Variants in CDH12 observed in about 807,000 individuals in gnomAD.
CDH12 encodes the protein cadherin 12.
Under a neutral mutation model 74.1 loss-of-function variants are expected in CDH12, and 41 were observed. The observed-to-expected ratio is 0.55, with a 90% CI of 0.43 to 0.72. The LOEUF is 0.72. CDH12 is among the 30% of genes least tolerant of loss of function. CDH12 has a pLI of 0.00. For synonymous variants in CDH12, 399 were observed against 355.0 expected, an observed-to-expected ratio of 1.12 and a Z score of -1.39; for missense variants, 945 against 977.2, an observed-to-expected ratio of 0.97 and a Z score of 0.44.
intron 1 of CDH12, among the ~76,000 whole-genome samples, chr5:22,609,799 T>C (rs555065137): frequency 6.6e-6 from 1 of 152,362 alleles, no homozygotes; most frequent in South Asian, 2.1e-4. Context: ...CTCAATGCTG[T>C]CTGTTTGTAT....
intron 1 of CDH12, among the ~76,000 whole-genome samples, chr5:22,739,217 A>C (rs769385225): frequency 1.3e-5 from 2 of 152,024 alleles, no homozygotes; most frequent in Non-Finnish European, 2.9e-5. Flanking sequence ...TCAATGTGTA[A>C]AAAGGAAAGA....
At chr5:22,424,002 C>CAAAAAAAAAAAAAAAAAAAAA (rs1165781089) in intron 2 of CDH12, among the ~76,000 whole-genome samples, 8 of 31,222 alleles carry the variant, frequency 2.6e-4, no homozygotes, top group Admixed American at 4.8e-4. Context: ...GACTCTGTCT[C>CAAAAAAAAAAAAAAAAAAAAA]AAAAAAAAAA....
chr5:22,252,797 C>A (rs1021309721), intron 3 of CDH12, among the ~76,000 whole-genome samples: 1 of 151,930 alleles, frequency 6.6e-6, no homozygotes, highest in African/African-American at 2.4e-5. Flanking sequence ...ATCTATGAAG[C>A]CTTAGCTTAA....
intron 6 of CDH12, among the ~76,000 whole-genome samples, chr5:21,896,723 A>C (rs1055296583): frequency 6.6e-6 from 1 of 152,172 alleles, no homozygotes; most frequent in African/African-American, 2.4e-5. Context: ...TTTTTTATCT[A>C]ATGCTTGATA....
At chr5:22,586,161 TA>T (rs1157378271) in intron 1 of CDH12, among the ~76,000 whole-genome samples, 19 of 152,112 alleles carry the variant, frequency 1.2e-4, no homozygotes, top group Admixed American at 1.2e-3. Flanking sequence ...TATGCAGCCA[TA>T]AAAAATGATG....
chr5:21,954,646 T>A (rs1008789553), intron 6 of CDH12, among the ~76,000 whole-genome samples: 1 of 152,110 alleles, frequency 6.6e-6, no homozygotes, highest in African/African-American at 2.4e-5. Context: ...TCTGCCTACT[T>A]AATTTTTTGT....
intron 3 of CDH12, among the ~76,000 whole-genome samples, chr5:22,220,554 G>A (rs1204174768): frequency 6.6e-6 from 1 of 151,170 alleles, no homozygotes; most frequent in Non-Finnish European, 1.5e-5. Flanking sequence ...TTTGGTGGTT[G>A]AGTGGTCATT....
At chr5:22,628,891 A>G (rs963558372) in intron 1 of CDH12, among the ~76,000 whole-genome samples, 3 of 151,946 alleles carry the variant, frequency 2.0e-5, no homozygotes, top group Non-Finnish European at 4.4e-5. Flanking sequence ...CCAAATGAAT[A>G]CAATCAGAAA....
At chr5:21,943,408 G>A (rs116141591) in intron 6 of CDH12, among the ~76,000 whole-genome samples, 3,313 of 152,082 alleles carry the variant, frequency 0.022, 107 homozygotes, top group African/African-American at 0.061. Flanking sequence ...GATCTAAAGT[G>A]GACTTTGTTT....
intron 1 of CDH12, among the ~76,000 whole-genome samples, chr5:22,507,615 A>C (rs1736440112): frequency 6.6e-6 from 1 of 152,190 alleles, no homozygotes. Context: ...AAAAACATTA[A>C]AGTGAGACAT....
intron 1 of CDH12, among the ~76,000 whole-genome samples, chr5:22,731,392 C>T (rs549798709): frequency 3.3e-5 from 5 of 151,830 alleles, no homozygotes; most frequent in South Asian, 2.1e-4. Context: ...AAAACATTAG[C>T]GTTTTCATAA....
chr5:22,075,895 T>G (rs991691537), intron 5 of CDH12, among the ~76,000 whole-genome samples: 8 of 152,098 alleles, frequency 5.3e-5, no homozygotes, highest in African/African-American at 1.9e-4. Flanking sequence ...TTTCTATGAG[T>G]AATCTCAAAG....
chr5:21,982,236 T>G (rs1277827444), intron 5 of CDH12, among the ~76,000 whole-genome samples: 2 of 152,212 alleles, frequency 1.3e-5, no homozygotes, highest in Admixed American at 6.5e-5. Flanking sequence ...CCTGCCTGAC[T>G]GCCTTCAAGC....
In CDH12 at chr5:22,707,451, T is replaced by A. The variant is rs1054598970; in HGVS notation, c.-523+145607A>T. On this transcript the variant is annotated intron_variant, in intron 1 of 14. Coordinates refer to ENST00000382254, the MANE Select transcript of CDH12 (RefSeq NM_004061.5). Reference sequence around the variant, plus strand: ...TCATGTTTTAGTCAGGAATGTCTACTGACTTTCATCTAAAGTGTATGCAGT... The same window carrying A: ...TCATGTTTTAGTCAGGAATGTCTACAGACTTTCATCTAAAGTGTATGCAGT... 2.0e-5 allele frequency among the ~76,000 whole-genome samples: 3 copies of A among 152,168 alleles called. No homozygotes were observed. In the East Asian group the frequency reaches 5.8e-4, roughly 29 times the overall value.
intron 1 of CDH12, among the ~76,000 whole-genome samples, chr5:22,543,516 G>A (rs1467570301): frequency 2.6e-5 from 4 of 152,028 alleles, no homozygotes; most frequent in African/African-American, 9.7e-5. Context: ...AATATCGATT[G>A]TTGATTCTAA....
At chr5:22,603,296 T>A (rs913245406) in intron 1 of CDH12, among the ~76,000 whole-genome samples, 1 of 152,158 alleles carries the variant, frequency 6.6e-6, no homozygotes, top group African/African-American at 2.4e-5. Flanking sequence ...ACTAAAATAG[T>A]TACTGCTAAG....
At chr5:22,827,509 C>A (rs191817271) in intron 1 of CDH12, among the ~76,000 whole-genome samples, 30 of 152,312 alleles carry the variant, frequency 2.0e-4, no homozygotes, top group African/African-American at 6.0e-4. Context: ...CCCACAAAGA[C>A]TCCCTACTGG....
At chr5:22,264,203 G>A (rs948188745) in intron 3 of CDH12, among the ~76,000 whole-genome samples, 1 of 151,316 alleles carries the variant, frequency 6.6e-6, no homozygotes. Flanking sequence ...TTTGATTGTG[G>A]TTTTTTTTAC....
At chr5:22,310,699 A>C (rs1017730716) in intron 3 of CDH12, among the ~76,000 whole-genome samples, 3 of 152,204 alleles carry the variant, frequency 2.0e-5, no homozygotes, top group African/African-American at 7.2e-5. Flanking sequence ...TGCAGCTTAG[A>C]GAGCACATGG....
Sources: allele counts gnomAD v4.1 joint callset (sites outside exome capture counted in the v4.1 genomes callset), GRCh38; gene constraint gnomAD v4.1.1; transcripts MANE v1.5; gene names NCBI Gene and HGNC (gene_info 2026-07-23, HGNC 2026-07-21).